The following CCDC180 variants were observed in gnomAD, a reference collection of about 807,000 sequenced individuals.
CCDC180 encodes the protein coiled-coil domain containing 180.
CCDC180 carries 154 observed loss-of-function variants against 209.2 expected under a neutral mutation model. The ratio of observed to expected loss-of-function variants is 0.74; its 90% CI spans 0.65 to 0.84. CCDC180 has a LOEUF of 0.84. Among genes scored for constraint, CCDC180 ranks in the 40% least tolerant of loss-of-function variants. CCDC180 has a pLI of 0.00. For synonymous variants in CCDC180, 778 were observed against 749.1 expected, an observed-to-expected ratio of 1.04 and a Z score of -0.63; for missense variants, 1,874 against 1,997.3, an observed-to-expected ratio of 0.94 and a Z score of 1.18.
chr9:97,375,925 T>C (rs769331457), intron 36 of CCDC180: 6 of 296,502 alleles, frequency 2.0e-5, no homozygotes, highest in Non-Finnish European at 3.2e-5. Flanking sequence ...AGCCGTAGGC[T>C]CAGGGGGGAC....
intron 15 of CCDC180, among the ~76,000 whole-genome samples, chr9:97,327,481 A>G (rs908752262): frequency 1.3e-5 from 2 of 152,176 alleles, no homozygotes; most frequent in African/African-American, 2.4e-5. Flanking sequence ...ATTGGTTCCA[A>G]TTTCTCAATA....
At chr9:97,353,888 C>T (rs962550673) in intron 22 of CCDC180, among the ~76,000 whole-genome samples, 1 of 152,120 alleles carries the variant, frequency 6.6e-6, no homozygotes, top group Admixed American at 6.6e-5. Context: ...TATCCCTTCA[C>T]CTGTGCAGTC....
At position 97,309,397 on chromosome 9, in the gene CCDC180, G is replaced by T; in HGVS notation, c.70-17G>T. ...AGCTCTGACCACTCCCCCATCCTTG[G>T]TCCTCCCTGGATTCAGGTGCAGCTG... On this transcript the variant is annotated splice_polypyrimidine_tract_variant and intron_variant, in intron 2 of 36. Coordinates refer to ENST00000529487, the MANE Select transcript of CCDC180 (RefSeq NM_020893.6). 6.3e-7 allele frequency: 1 copy of T among 1,595,944 alleles called. No homozygotes were observed. Among genetic ancestry groups the T allele is most frequent in the African/African-American group, 1.4e-5 (1 of 73,866 alleles).
Position 97,376,991 on chromosome 9 carries a change from A to C in CCDC180, c.*97A>C. The C allele has an allele frequency of 7.2e-7, 1 of 1,381,780 alleles. No homozygotes were observed. The highest frequency in any genetic ancestry group is 9.8e-7 in the Non-Finnish European group (1 of 1,015,812). 85.6% of individuals were successfully genotyped at this position (1,381,780 alleles called of 1,614,324 possible). A position where few individuals can be genotyped will look rare whatever the true frequency, so the allele number is the denominator to read the frequency against. On this transcript the variant is annotated 3_prime_UTR_variant, in exon 37 of 37. Transcript: ENST00000529487. ...TTTCCGTCCATCCCTCCCTCCCTTC[A>C]TCCCTCCACCCCTGCTCTGTGCCGG...
chr9:97,331,947 G>C (rs182134752), intron 18 of CCDC180, among the ~76,000 whole-genome samples: 66 of 152,210 alleles, frequency 4.3e-4, no homozygotes, highest in Admixed American at 1.6e-3. Flanking sequence ...ATTGCTTTTG[G>C]CATCTTCATC....
intron 13 of CCDC180, 64 bp from the exon 14 acceptor site, chr9:97,324,948 ACAGGTGG>A (rs1182405499): frequency 6.9e-7 from 1 of 1,452,916 alleles, no homozygotes; most frequent in Admixed American, 2.0e-5. Flanking sequence ...AGGGGGTCCC[ACAGGTGG>A]GCCCTCTTCT....
chr9:97,350,975 A>G (rs368726481), intron 22 of CCDC180, among the ~76,000 whole-genome samples: 5 of 152,318 alleles, frequency 3.3e-5, no homozygotes, highest in African/African-American at 4.8e-5. Flanking sequence ...ATCATGTATC[A>G]TGTGTCACAA....
At chr9:97,368,546 A>G (rs1175500346) in intron 31 of CCDC180, among the ~76,000 whole-genome samples, 1 of 152,120 alleles carries the variant, frequency 6.6e-6, no homozygotes, top group East Asian at 1.9e-4. Context: ...CTGGGTGAAG[A>G]AAAAAAACTC....
At position 97,376,896 on chromosome 9, in the gene CCDC180, C is replaced by T; in HGVS notation, c.*2C>T. The T allele has an allele frequency of 6.2e-7, 1 of 1,610,054 alleles. No individual in the cohort carries two copies. Among genetic ancestry groups the T allele is most frequent in the African/African-American group, 1.3e-5 (1 of 74,870 alleles). On this transcript the variant is annotated 3_prime_UTR_variant, in exon 37 of 37. Transcript: ENST00000529487. ...ACTATCCAAGGCCTGTATGTGTGAC[C>T]CTCCGCCCCACCATGAATAAACACT...
chr9:97,318,400 CCTCTCT>C (rs1833248186), intron 9 of CCDC180, 57 bp from the exon 10 acceptor site: 1 of 1,585,918 alleles, frequency 6.3e-7, no homozygotes, highest in Admixed American at 1.7e-5. Context: ...GTTCTCTTTC[CCTCTCT>C]CACTCCTGCC....
At chr9:97,367,856 C>T (rs1826971428) in intron 31 of CCDC180, among the ~76,000 whole-genome samples, 1 of 152,156 alleles carries the variant, frequency 6.6e-6, no homozygotes, top group Non-Finnish European at 1.5e-5. Flanking sequence ...AAGTTCCTCA[C>T]ACAGACTTGG....
chr9:97,339,857 C>A (rs900410842), intron 18 of CCDC180, among the ~76,000 whole-genome samples: 2 of 152,114 alleles, frequency 1.3e-5, no homozygotes, highest in African/African-American at 4.8e-5. Flanking sequence ...TTGTTTGTTT[C>A]TTTTTACTCT....
At chr9:97,339,238 A>G (rs1826002388) in intron 18 of CCDC180, among the ~76,000 whole-genome samples, 1 of 152,308 alleles carries the variant, frequency 6.6e-6, no homozygotes, top group African/African-American at 2.4e-5. Context: ...TAGTTGATGC[A>G]GTTTCTTCCT....
At chr9:97,370,828 C>T (rs199556696) in intron 33 of CCDC180, 50 bp downstream of exon 33, 62 of 1,590,876 alleles carry the variant, frequency 3.9e-5, no homozygotes, top group Non-Finnish European at 4.6e-5. Flanking sequence ...AAATATAGCC[C>T]GATGGACAGC....
At chr9:97,315,715 G>T (rs1833147320) in intron 8 of CCDC180, among the ~76,000 whole-genome samples, 1 of 152,200 alleles carries the variant, frequency 6.6e-6, no homozygotes, top group South Asian at 2.1e-4. Context: ...CTGAATCACA[G>T]ATGGGTCCAG....
At chr9:97,376,683 A>T in intron 36 of CCDC180, 80 bp from the exon 37 acceptor site, 1 of 1,488,994 alleles carries the variant, frequency 6.7e-7, no homozygotes, top group Non-Finnish European at 9.0e-7. Flanking sequence ...ACCACCTGCC[A>T]GCAAGTTACA....
intron 4 of CCDC180, among the ~76,000 whole-genome samples, chr9:97,313,030 C>G (rs536788636): frequency 6.6e-6 from 1 of 152,186 alleles, no homozygotes; most frequent in East Asian, 1.9e-4. Context: ...TTTTTCAGCT[C>G]TTAACTGTAT....
rs766512576 is a variant in CCDC180, at chr9:97,309,540, C to A, written c.196C>A (p.Arg66=). The A allele has an allele frequency of 3.1e-5, 49 of 1,597,408 alleles. No individual in the cohort carries two copies. Among genetic ancestry groups the A allele is most frequent in the Middle Eastern group, 3.3e-4 (2 of 6,056 alleles). ...ETPEGEVMSP[R]QQKWMHSLPN... is the part of the protein sequence containing the mutation. ...TCCTGAAGGGGAGGTGATGTCTCCC[C>A]GACAGCAGAAGTGGATGCACAGCCT... The change falls in exon 3 of 37, where the codon CGA becomes AGA. Residue 66 remains arginine (R), a synonymous_variant. Coordinates refer to ENST00000529487, the MANE Select transcript of CCDC180 (RefSeq NM_020893.6).
chr9:97,371,792 T>C (rs760600118), intron 34 of CCDC180, 86 bp downstream of exon 34: 40 of 741,746 alleles, frequency 5.4e-5, no homozygotes, highest in Non-Finnish European at 8.2e-5. Context: ...CCCAACTCTA[T>C]CAAAGTGAAA....
Sources: allele counts gnomAD v4.1 joint callset (sites outside exome capture counted in the v4.1 genomes callset), GRCh38; gene constraint gnomAD v4.1.1; transcripts MANE v1.5; gene names NCBI Gene and HGNC (gene_info 2026-07-23, HGNC 2026-07-21).